Variants in CSPP1 observed in about 807,000 individuals in gnomAD.
The protein encoded by CSPP1 is centrosome and spindle pole associated protein 1, also known as centrosome and spindle pole-associated protein 1.
Under a neutral mutation model 164.4 loss-of-function variants are expected in CSPP1, and 126 were observed. The observed-to-expected ratio is 0.77, with a 90% CI of 0.66 to 0.89. CSPP1 has a LOEUF of 0.89. CSPP1 is among the 40% of genes least tolerant of loss of function. CSPP1 has a pLI of 0.00. For synonymous variants in CSPP1, 472 were observed against 476.7 expected (o/e 0.99, Z 0.13); for missense variants, 1,395 against 1,449.8 (o/e 0.96, Z 0.61).
chr8:67,104,830 G>C (rs1815045763), intron 8 of CSPP1, among the ~76,000 whole-genome samples: 2 of 149,680 alleles, frequency 1.3e-5, no homozygotes, highest in African/African-American at 4.9e-5. Context: ...AGTAGTGATG[G>C]GATTTCACCA....
At chr8:67,185,728 TGAA>T (rs1834385032) in intron 28 of CSPP1, among the ~76,000 whole-genome samples, 1 of 151,898 alleles carries the variant, frequency 6.6e-6, no homozygotes, top group African/African-American at 2.4e-5. Context: ...TTGCTGCTGC[TGAA>T]GATGATGAAG....
intron 28 of CSPP1, among the ~76,000 whole-genome samples, chr8:67,183,387 AC>A (rs1388439777): frequency 6.6e-6 from 1 of 152,206 alleles, no homozygotes; most frequent in Non-Finnish European, 1.5e-5. Context: ...AGGACAGATT[AC>A]AATCTGGGCA....
chr8:67,112,120 T>A, intron 10 of CSPP1, 55 bp downstream of exon 10: 1 of 1,185,406 alleles, frequency 8.4e-7, no homozygotes, highest in Non-Finnish European at 1.2e-6. Flanking sequence ...TGCATTTGTG[T>A]AAAATGACAT....
intron 1 of CSPP1, among the ~76,000 whole-genome samples, chr8:67,072,304 T>A (rs1267687005): frequency 6.6e-6 from 1 of 151,802 alleles, no homozygotes; most frequent in African/African-American, 2.4e-5. Flanking sequence ...AAAAAAGATT[T>A]TTTTTAGATA....
chr8:67,095,335 C>A lies in CSPP1; in HGVS notation c.526C>A (p.Pro176Thr), dbSNP rs767355704. 1 of 1,597,004 alleles carries A rather than the reference C, an allele frequency of 6.3e-7. No individual in the cohort carries two copies. Among genetic ancestry groups the A allele is most frequent in the Non-Finnish European group, 8.5e-7 (1 of 1,175,628 alleles). The stretch of plus-strand genomic sequence containing the variant: ...TAAAAAACCTATTGGTCAAGTTAAG[C>A]CTGATCTAACTTCACAAATACAGAC... ...RNKKPIGQVK[P>T]DLTSQIQTSC... is the part of the protein sequence containing the mutation. The change falls in exon 7 of 31, where the codon CCT becomes ACT. Residue 176 changes from proline (P) to threonine (T), a missense_variant. By Grantham distance (38) the Pro-to-Thr change is conservative. Transcript: ENST00000678616.
In CSPP1 at chr8:67,195,538, T is replaced by G; in HGVS notation, c.3626T>G (p.Ile1209Ser). Reference sequence around the variant, plus strand: ...CAGCTGAACCAGGAGCAGCAGCAGATTCCTGGAAAACCAGGCACTTTCACT... The same window carrying G: ...CAGCTGAACCAGGAGCAGCAGCAGAGTCCTGGAAAACCAGGCACTTTCACT... ...AEQLNQEQQQIPGKPGTFTWQ... is the reference protein window; with the variant it reads ...AEQLNQEQQQSPGKPGTFTWQ... The change falls in exon 31 of 31, where the codon ATT (isoleucine) becomes AGT (serine). Residue 1209 changes from isoleucine to serine, a missense_variant. Ile to Ser is a moderately radical substitution (Grantham distance 142, BLOSUM62 -2). Transcript: ENST00000678616. 6.2e-7 allele frequency: 1 copy of G among 1,614,186 alleles called. No homozygotes were observed. The highest frequency in any genetic ancestry group is 1.3e-5 in the African/African-American group (1 of 75,064).
At chr8:67,123,920 A>G (rs1384757660) in intron 15 of CSPP1, among the ~76,000 whole-genome samples, 2 of 111,700 alleles carry the variant, frequency 1.8e-5, no homozygotes, top group African/African-American at 7.2e-5. Context: ...TTTTTTTTTT[A>G]AGACGCAGTC....
intron 9 of CSPP1, among the ~76,000 whole-genome samples, chr8:67,109,745 A>G (rs773775913): frequency 2.0e-5 from 3 of 152,192 alleles, no homozygotes; most frequent in Non-Finnish European, 2.9e-5. Flanking sequence ...ATTAAGAAAC[A>G]TAGACACAAA....
rs373705126 is a variant in CSPP1 at position 67,064,411 on chromosome 8, C to G, written c.-138C>G. The G allele has an allele frequency of 6.2e-7, 1 of 1,613,758 alleles. No individual in the cohort carries two copies. Among genetic ancestry groups the G allele is most frequent in the Admixed American group, 1.7e-5 (1 of 60,010 alleles). ...CCGGAGGTCTGTCATGCTGTTCCCG[C>G]TCCAGGTGGCCGCTGTAACCTCTTC... On this transcript the variant is annotated 5_prime_UTR_variant, in exon 1 of 31. Transcript: ENST00000678616.
At chr8:67,194,918 T>TTAA (rs1230530858) in intron 30 of CSPP1, among the ~76,000 whole-genome samples, 2 of 152,132 alleles carry the variant, frequency 1.3e-5, no homozygotes, top group South Asian at 2.1e-4. Context: ...CCAAAATAAC[T>TTAA]TAATAATTTC....
intron 30 of CSPP1, among the ~76,000 whole-genome samples, chr8:67,194,967 C>T (rs1837538173): frequency 6.6e-6 from 1 of 151,972 alleles, no homozygotes; most frequent in African/African-American, 2.4e-5. Context: ...ATTCCCCAAA[C>T]CTTGCTTTAA....
At chr8:67,107,032 A>G (rs1259153783) in intron 9 of CSPP1, among the ~76,000 whole-genome samples, 1 of 150,362 alleles carries the variant, frequency 6.7e-6, no homozygotes, top group Admixed American at 6.6e-5. Flanking sequence ...TTAAATGGCT[A>G]TATTCTTATG....
intron 9 of CSPP1, among the ~76,000 whole-genome samples, chr8:67,110,165 G>A (rs1172662581): frequency 6.7e-6 from 1 of 148,698 alleles, no homozygotes; most frequent in Non-Finnish European, 1.5e-5. Context: ...GGTGCAGTCT[G>A]AGGTTTTTTT....
chr8:67,192,453 T>G (rs1836624217), intron 29 of CSPP1, among the ~76,000 whole-genome samples: 2 of 152,248 alleles, frequency 1.3e-5, no homozygotes, highest in South Asian at 4.1e-4. Flanking sequence ...AGTCTAGTTA[T>G]CAATGTGTGA....
Position 67,195,265 on chromosome 8 carries a change from GAT to G in CSPP1, c.3470-114_3470-113del, listed in dbSNP as rs1279886915. On this transcript the variant is annotated intron_variant, in intron 30 of 30. Transcript: ENST00000678616. ...AAAACAAACAAACAGTAGAGTTCAG[GAT>G]ATGAGACTGTGGGGAAATGCTGAGT... 2.1e-5 allele frequency: 16 copies of G among 754,500 alleles called. No homozygotes were observed. The Admixed American group carries it at 2.9e-4, about 13-fold the overall frequency. 46.7% of individuals were successfully genotyped at this position (754,500 alleles called of 1,614,324 possible).
At position 67,074,412 on chromosome 8, in the gene CSPP1, G is replaced by A. The variant is rs1807467376; in HGVS notation, c.99+61G>A. The A allele has an allele frequency of 6.1e-6, 6 of 987,118 alleles. No homozygotes were observed. The Middle Eastern group carries it at 1.1e-3, about 181-fold the overall frequency. The allele number at this position is 987,118 out of a possible 1,614,324, so 61.1% of individuals were successfully genotyped here. On this transcript the variant is annotated intron_variant, in intron 2 of 30. Coordinates refer to ENST00000678616, the MANE Select transcript of CSPP1 (RefSeq NM_001382391.1). ...ATAATTGTCTATGGAGATTACTCCT[G>A]TGTAAATACAAAACATCCTCTTCTA... is the stretch of plus-strand genomic sequence containing the variant.
Position 67,112,139 on chromosome 8 carries a change from A to T in CSPP1, c.1187+74A>T, listed in dbSNP as rs1430326819. 5 of 969,516 alleles carry T rather than the reference A, an allele frequency of 5.2e-6. No homozygotes were observed. In the Admixed American group the frequency reaches 5.9e-5, roughly 12 times the overall value. 60.1% of individuals were successfully genotyped at this position (969,516 alleles called of 1,614,324 possible). ...TTTGTGTAAAATGACATGGTTAAAT[A>T]AGGGGTTGTCGTTCTAATATGATGT... is the stretch of plus-strand genomic sequence containing the variant. On this transcript the variant is annotated intron_variant, in intron 10 of 30. Transcript: ENST00000678616.
At chr8:67,168,671 A>G (rs1310904909) in intron 24 of CSPP1, among the ~76,000 whole-genome samples, 1 of 152,234 alleles carries the variant, frequency 6.6e-6, no homozygotes, top group Non-Finnish European at 1.5e-5. Context: ...CTGATTAAAG[A>G]CATCTCAGAG....
intron 7 of CSPP1, among the ~76,000 whole-genome samples, chr8:67,102,677 T>TCAC (rs1814391052): frequency 6.6e-6 from 1 of 152,244 alleles, no homozygotes; most frequent in South Asian, 2.1e-4. Flanking sequence ...GAATTTTGAC[T>TCAC]ATAATCTTTG....
Sources: gnomAD v4.1 joint callset for allele counts (sites outside exome capture counted in the v4.1 genomes callset) on GRCh38, gnomAD v4.1.1 for gene constraint, MANE v1.5 for transcripts, NCBI Gene and HGNC (gene_info 2026-07-23, HGNC 2026-07-21) for gene names.